The following CLRN3 variants were observed in gnomAD, a reference collection of about 807,000 sequenced individuals.
The protein encoded by CLRN3 is clarin 3.
Under a neutral mutation model 16.7 loss-of-function variants are expected in CLRN3, and 12 were observed. That is an observed-to-expected ratio of 0.72 (90% CI 0.46 to 1.16). The LOEUF (loss-of-function observed/expected upper bound fraction) is 1.16, where lower values mean the gene tolerates loss of function less well. CLRN3 is among the 50% of genes most tolerant of loss of function. The probability of loss-of-function intolerance (pLI) is 0.00; values close to 1 mark genes in which losing one functional copy is unlikely to be tolerated. For missense variants in CLRN3, 296 were observed against 274.2 expected (o/e 1.08, Z -0.56); for synonymous variants, 118 against 113.0 (o/e 1.04, Z -0.28).
intron 1 of CLRN3, among the ~76,000 whole-genome samples, chr10:127,887,220 T>C (rs1247220953): frequency 6.6e-6 from 1 of 152,168 alleles, no homozygotes; most frequent in African/African-American, 2.4e-5. Flanking sequence ...AGGCTGCAGA[T>C]GAGTTACCAT....
intron 2 of CLRN3, 111 bp from the exon 3 acceptor site, chr10:127,878,531 TA>T: frequency 6.9e-7 from 1 of 1,439,546 alleles, no homozygotes; most frequent in Admixed American, 2.2e-5. Context: ...CACAGGAGTT[TA>T]CACTCTTTTA....
At chr10:127,891,064 G>A (rs530711743) in intron 1 of CLRN3, among the ~76,000 whole-genome samples, 4 of 152,208 alleles carry the variant, frequency 2.6e-5, no homozygotes, top group African/African-American at 9.7e-5. Flanking sequence ...CCAGCAAAGG[G>A]AAGGCAAATA....
intron 1 of CLRN3, among the ~76,000 whole-genome samples, chr10:127,891,766 G>A (rs559846470): frequency 1.3e-5 from 2 of 152,278 alleles, no homozygotes; most frequent in South Asian, 4.1e-4. Flanking sequence ...TAAGTCAAAA[G>A]GTAATGACTG....
chr10:127,889,407 T>C (rs1283095157), intron 1 of CLRN3, among the ~76,000 whole-genome samples: 1 of 152,142 alleles, frequency 6.6e-6, no homozygotes, highest in Non-Finnish European at 1.5e-5. Context: ...GTGGATCACT[T>C]GAGGTCAGGA....
At chr10:127,883,037 G>A (rs1845147757) in intron 2 of CLRN3, among the ~76,000 whole-genome samples, 2 of 152,152 alleles carry the variant, frequency 1.3e-5, no homozygotes, top group Non-Finnish European at 1.5e-5. Context: ...TCCCATCTGG[G>A]CTCCATCCTC....
chr10:127,883,515 GATGCTT>G (rs1186434398), intron 2 of CLRN3, among the ~76,000 whole-genome samples, 175 bp downstream of exon 2: 19 of 152,218 alleles, frequency 1.2e-4, no homozygotes, highest in Non-Finnish European at 2.2e-4. Flanking sequence ...TATTTCCAGA[GATGCTT>G]CATAAACACT....
Position 127,878,121 on chromosome 10 carries a change from G to A in CLRN3, c.*28C>T. Reference sequence around the variant, plus strand: ...TACTCAGGGCTGATGTACAATAGATGCAACGCCAAAATGAGATGAAAGAGA... The same window carrying A: ...TACTCAGGGCTGATGTACAATAGATACAACGCCAAAATGAGATGAAAGAGA... On this transcript the variant is annotated 3_prime_UTR_variant, in exon 3 of 3. Coordinates refer to ENST00000368671, the MANE Select transcript of CLRN3 (RefSeq NM_152311.5). 1 of 1,605,530 alleles carries A rather than the reference G, an allele frequency of 6.2e-7. No homozygotes were observed.
intron 2 of CLRN3, 103 bp downstream of exon 2, chr10:127,883,593 G>A (rs2135080115): frequency 3.5e-6 from 3 of 863,306 alleles, no homozygotes; most frequent in South Asian, 1.4e-5. Flanking sequence ...TTTCCTTGGT[G>A]TAAACGTGAC....
chr10:127,877,893 G>C lies in CLRN3; in HGVS notation c.*256C>G, dbSNP rs1845076904. On this transcript the variant is annotated 3_prime_UTR_variant, in exon 3 of 3. Transcript: ENST00000368671. ...TATTTCAGATCGTGAGACCAGGTCA[G>C]AAGGGTCGTTACGCTCATCATGATA... is the stretch of plus-strand genomic sequence containing the variant. 1 of 469,182 alleles carries C rather than the reference G, an allele frequency of 2.1e-6. No homozygotes were observed. Among genetic ancestry groups the C allele is most frequent in the Admixed American group, 3.5e-5 (1 of 28,398 alleles). 29.1% of individuals were successfully genotyped at this position (469,182 alleles called of 1,614,324 possible).
chr10:127,883,654 T>C (rs1845156643), intron 2 of CLRN3, 42 bp downstream of exon 2: 11 of 1,385,482 alleles, frequency 7.9e-6, no homozygotes, highest in Non-Finnish European at 1.0e-5. Context: ...ACAAGCGGGA[T>C]GCAGTTTTCT....
rs370672043 is a variant in CLRN3, at chr10:127,892,521, C to G, written c.229+35G>C. On this transcript the variant is annotated intron_variant, in intron 1 of 2. Coordinates refer to ENST00000368671, the MANE Select transcript of CLRN3 (RefSeq NM_152311.5). ...AGAATGACATAAACCTTAATTCAAT[C>G]TCACTATATTCATTCAAATTAGTTT... is the stretch of plus-strand genomic sequence containing the variant. The G allele has an allele frequency of 1.6e-4, 167 of 1,057,118 alleles. 2 individuals carry two copies. Among genetic ancestry groups the G allele is most frequent in the Non-Finnish European group, 3.4e-5 (23 of 673,502 alleles). 65.5% of individuals were successfully genotyped at this position (1,057,118 alleles called of 1,614,324 possible). A position where few individuals can be genotyped will look rare whatever the true frequency, so the allele number is the denominator to read the frequency against.
Position 127,881,031 on chromosome 10 carries a change from G to C in CLRN3, c.410-2611C>G, listed in dbSNP as rs78745596. 5.3e-3 allele frequency among the ~76,000 whole-genome samples: 804 copies of C among 152,246 alleles called. 3 individuals carry two copies. The highest frequency in any genetic ancestry group is 8.3e-3 in the Non-Finnish European group (563 of 68,012). On this transcript the variant is annotated intron_variant, in intron 2 of 2. Transcript: ENST00000368671. The stretch of plus-strand genomic sequence containing the variant: ...AGGAACCCCCAAAGGGCTACTTTGG[G>C]CAAAAGTCAGGCCTATCAACACTGT...
chr10:127,891,180 G>A (rs746513535), intron 1 of CLRN3, among the ~76,000 whole-genome samples: 2 of 152,218 alleles, frequency 1.3e-5, no homozygotes, highest in South Asian at 2.1e-4. Context: ...ACATCACCAT[G>A]CTCACCTGCA....
intron 2 of CLRN3, among the ~76,000 whole-genome samples, chr10:127,882,407 C>A (rs948262743): frequency 1.3e-5 from 2 of 152,242 alleles, no homozygotes; most frequent in East Asian, 3.8e-4. Context: ...CATCCCTCAC[C>A]GTCCTACCTG....
chr10:127,881,385 G>T, intron 2 of CLRN3, among the ~76,000 whole-genome samples: 1 of 152,196 alleles, frequency 6.6e-6, no homozygotes, highest in Non-Finnish European at 1.5e-5. Context: ...CTCTGCTGCG[G>T]AGGAGCAGAG....
At chr10:127,882,348 A>C (rs1845138367) in intron 2 of CLRN3, among the ~76,000 whole-genome samples, 1 of 152,120 alleles carries the variant, frequency 6.6e-6, no homozygotes. Flanking sequence ...ATGTAATGTG[A>C]CTCTGGTCCA....
rs754396328 is a variant in CLRN3 at position 127,892,876 on chromosome 10, A to G, written c.-92T>C. 102 of 737,086 alleles carry G rather than the reference A, an allele frequency of 1.4e-4. No individual in the cohort carries two copies. The highest frequency in any genetic ancestry group is 2.2e-4 in the Non-Finnish European group (95 of 432,012). The allele number at this position is 737,086 out of a possible 1,614,324, so 45.7% of individuals were successfully genotyped here. On this transcript the variant is annotated 5_prime_UTR_variant, in exon 1 of 3. Transcript: ENST00000368671. ...ATCTTTTGAAGTCTGGTATTTAGAA[A>G]TGGAGTCTAACACTTTATTGTCAAA...
At chr10:127,890,360 G>T (rs1845245118) in intron 1 of CLRN3, among the ~76,000 whole-genome samples, 1 of 152,154 alleles carries the variant, frequency 6.6e-6, no homozygotes, top group African/African-American at 2.4e-5. Flanking sequence ...TCCTTACCAG[G>T]TCTGAAGGAC....
intron 1 of CLRN3, among the ~76,000 whole-genome samples, chr10:127,884,738 C>T (rs1427997620): frequency 6.6e-6 from 1 of 152,238 alleles, no homozygotes; most frequent in Non-Finnish European, 1.5e-5. Flanking sequence ...AGGCTTCTGA[C>T]TGCCACCAGC....
Sources: gnomAD v4.1 joint callset for allele counts (sites outside exome capture counted in the v4.1 genomes callset) on GRCh38, gnomAD v4.1.1 for gene constraint, MANE v1.5 for transcripts, NCBI Gene and HGNC (gene_info 2026-07-23, HGNC 2026-07-21) for gene names.